The following HTR1F variants were observed in gnomAD, a reference collection of about 807,000 sequenced individuals.
HTR1F encodes the protein 5-hydroxytryptamine (serotonin) receptor 1F, G protein-coupled.
Under a neutral mutation model 24.0 loss-of-function variants are expected in HTR1F, and 17 were observed. The observed-to-expected ratio is 0.71, with a 90% CI of 0.48 to 1.06. The LOEUF is 1.06. Among genes scored for constraint, HTR1F ranks in the 50% least tolerant of loss-of-function variants. The pLI is 0.00. For synonymous variants in HTR1F, 186 were observed against 156.8 expected, an observed-to-expected ratio of 1.19 and a Z score of -1.39; for missense variants, 391 against 427.8, an observed-to-expected ratio of 0.91 and a Z score of 0.76.
intron 2 of HTR1F, among the ~76,000 whole-genome samples, chr3:87,860,727 A>C (rs1057306845): frequency 3.3e-5 from 5 of 152,226 alleles, no homozygotes; most frequent in Non-Finnish European, 2.9e-5. Context: ...ATTTGCTTGC[A>C]TAAGGACATG....
chr3:87,882,743 A>G (rs1199872287), intron 2 of HTR1F, among the ~76,000 whole-genome samples: 2 of 151,330 alleles, frequency 1.3e-5, no homozygotes, highest in African/African-American at 4.8e-5. Context: ...ACTGGGAGAT[A>G]TACCTAATGC....
chr3:87,981,807 T>C (rs1482470839), intron 2 of HTR1F, among the ~76,000 whole-genome samples: 1 of 152,226 alleles, frequency 6.6e-6, no homozygotes, highest in African/African-American at 2.4e-5. Context: ...ATTGTCATTG[T>C]TGCAATTTAA....
chr3:87,947,140 G>A (rs1704729767), intron 2 of HTR1F, among the ~76,000 whole-genome samples: 1 of 152,226 alleles, frequency 6.6e-6, no homozygotes, highest in East Asian at 1.9e-4. Flanking sequence ...TCAGCAATTT[G>A]TAGTGTTTTA....
At chr3:87,863,196 T>C (rs2107234072) in intron 2 of HTR1F, among the ~76,000 whole-genome samples, 1 of 152,304 alleles carries the variant, frequency 6.6e-6, no homozygotes, top group East Asian at 1.9e-4. Flanking sequence ...TAGCAAAAGG[T>C]CGTCCAACCA....
At chr3:87,984,957 C>A (rs2107518622) in intron 2 of HTR1F, among the ~76,000 whole-genome samples, 1 of 152,256 alleles carries the variant, frequency 6.6e-6, no homozygotes, top group Middle Eastern at 3.4e-3. Context: ...CTGGTTGCTA[C>A]CTTAAACATT....
chr3:87,946,279 G>A (rs961892470), intron 2 of HTR1F, among the ~76,000 whole-genome samples: 10 of 152,132 alleles, frequency 6.6e-5, no homozygotes, highest in Non-Finnish European at 1.5e-4. Context: ...AGCTCAGCTC[G>A]AACCATAACA....
At chr3:87,845,097 C>T (rs1474753904) in intron 2 of HTR1F, among the ~76,000 whole-genome samples, 2 of 151,576 alleles carry the variant, frequency 1.3e-5, no homozygotes, top group Non-Finnish European at 2.9e-5. Context: ...ATAATAAGAG[C>T]TATCTATGAG....
In HTR1F at chr3:87,800,991, T is replaced by C. The variant is rs141832242; in HGVS notation, c.-160+8149T>C. 6.6e-5 allele frequency among the ~76,000 whole-genome samples: 10 copies of C among 152,330 alleles called. No homozygotes were observed. In the East Asian group the frequency reaches 1.9e-3, roughly 29 times the overall value. ...TATATAGTCTCACTCAATAACCCAC[T>C]TTAGTGTTAAGCTGCCTTTATTTTT... On this transcript the variant is annotated intron_variant, in intron 1 of 2. Transcript: ENST00000319595.
intron 2 of HTR1F, among the ~76,000 whole-genome samples, chr3:87,883,891 G>A (rs533658027): frequency 6.6e-6 from 1 of 152,286 alleles, no homozygotes; most frequent in Admixed American, 6.5e-5. Flanking sequence ...AAGTGATGGG[G>A]AGAATGGAAC....
At chr3:87,883,079 C>T (rs1408854888) in intron 2 of HTR1F, among the ~76,000 whole-genome samples, 2 of 152,036 alleles carry the variant, frequency 1.3e-5, no homozygotes, top group Non-Finnish European at 2.9e-5. Context: ...GTGGGTGCCC[C>T]TCTGGGATGA....
At chr3:87,813,791 T>C (rs1236047553) in intron 1 of HTR1F, among the ~76,000 whole-genome samples, 5 of 152,334 alleles carry the variant, frequency 3.3e-5, no homozygotes, top group African/African-American at 9.6e-5. Flanking sequence ...GTTTTATACG[T>C]GTTTGACAGT....
At chr3:87,866,205 A>G (rs192926033) in intron 2 of HTR1F, among the ~76,000 whole-genome samples, 25 of 152,360 alleles carry the variant, frequency 1.6e-4, no homozygotes, top group Admixed American at 3.3e-4. Flanking sequence ...ATTACCAACT[A>G]GAATACTTAA....
intron 1 of HTR1F, among the ~76,000 whole-genome samples, chr3:87,810,379 T>G (rs891588389): frequency 5.9e-5 from 9 of 152,156 alleles, no homozygotes; most frequent in Admixed American, 4.6e-4. Context: ...CCTAATTTTA[T>G]GCTTGGCCAA....
intron 2 of HTR1F, among the ~76,000 whole-genome samples, chr3:87,914,691 C>T (rs1358779687): frequency 1.3e-5 from 2 of 152,000 alleles, no homozygotes; most frequent in Non-Finnish European, 2.9e-5. Context: ...CCCAGCTAGA[C>T]CATCCAAGTA....
intron 1 of HTR1F, among the ~76,000 whole-genome samples, chr3:87,805,747 A>G (rs1704063214): frequency 6.6e-6 from 1 of 152,090 alleles, no homozygotes; most frequent in African/African-American, 2.4e-5. Context: ...CCACTACGGC[A>G]CACGTTTACC....
At chr3:87,894,927 CT>C (rs2107313916) in intron 2 of HTR1F, among the ~76,000 whole-genome samples, 1 of 152,208 alleles carries the variant, frequency 6.6e-6, no homozygotes, top group African/African-American at 2.4e-5. Flanking sequence ...GTATACAGCA[CT>C]GTTAGCGTGA....
chr3:87,959,214 A>G (rs956322945), intron 2 of HTR1F, among the ~76,000 whole-genome samples: 6 of 151,506 alleles, frequency 4.0e-5, no homozygotes, highest in Non-Finnish European at 8.9e-5. Flanking sequence ...TTCAAAACCT[A>G]CTCTCTGAGA....
intron 2 of HTR1F, among the ~76,000 whole-genome samples, chr3:87,867,322 T>C (rs777974234): frequency 2.0e-5 from 3 of 151,842 alleles, no homozygotes; most frequent in Non-Finnish European, 2.9e-5. Context: ...TCTCTCATTG[T>C]ACATCGAAAT....
chr3:87,975,807 G>A (rs1705383693), intron 2 of HTR1F, among the ~76,000 whole-genome samples: 1 of 152,146 alleles, frequency 6.6e-6, no homozygotes, highest in Non-Finnish European at 1.5e-5. Context: ...GAGCAAACTG[G>A]AAGACCAGAT....
Sources: allele counts gnomAD v4.1 joint callset (sites outside exome capture counted in the v4.1 genomes callset), GRCh38; gene constraint gnomAD v4.1.1; transcripts MANE v1.5; gene names NCBI Gene and HGNC (gene_info 2026-07-23, HGNC 2026-07-21).